Variants in SMG6 observed in about 807,000 individuals in gnomAD.
The protein encoded by SMG6 is telomerase-binding protein EST1A.
Under a neutral mutation model 142.2 loss-of-function variants are expected in SMG6, and 66 were observed. That is an observed-to-expected ratio of 0.46 (90% CI 0.38 to 0.57). The LOEUF (loss-of-function observed/expected upper bound fraction) is 0.57. Ranked by LOEUF, SMG6 falls within the 20% of genes least tolerant of loss-of-function variation. SMG6 has a pLI of 0.00. For missense variants in SMG6, 1,793 were observed against 1,832.0 expected, an observed-to-expected ratio of 0.98 and a Z score of 0.39; for synonymous variants, 779 against 702.4, an observed-to-expected ratio of 1.11 and a Z score of -1.72.
intron 6 of SMG6, among the ~76,000 whole-genome samples, chr17:2,290,337 A>C (rs1346720229): frequency 6.6e-6 from 1 of 152,230 alleles, no homozygotes; most frequent in Non-Finnish European, 1.5e-5. Flanking sequence ...TCTTTGACAA[A>C]GGAGCAAAGG....
Position 2,125,428 on chromosome 17 carries a change from C to T in SMG6, c.3358-39527G>A, listed in dbSNP as rs139521643. ...AGGATAATTCTCTTGGGCTTGCTGG[C>T]CAATAGGATGATGATTAGCTACAAT... On this transcript the variant is annotated intron_variant, in intron 13 of 18. Coordinates refer to ENST00000263073, the MANE Select transcript of SMG6 (RefSeq NM_017575.5). 3.3e-3 allele frequency among the ~76,000 whole-genome samples: 507 copies of T among 152,250 alleles called. 5 individuals are homozygous for T. The highest frequency in any genetic ancestry group is 0.012 in the African/African-American group (489 of 41,544).
Position 2,236,701 on chromosome 17 carries a change from T to A in SMG6, c.2724-64A>T, listed in dbSNP as rs201093657. On this transcript the variant is annotated intron_variant, in intron 9 of 18. Transcript: ENST00000263073. ...CTTTCAGTCTCTCTCTCACTCTGTCTCACACACACACACACACACACACAC... is the reference window on the plus strand; with the variant it reads ...CTTTCAGTCTCTCTCTCACTCTGTCACACACACACACACACACACACACAC... 3,006 of 958,388 alleles carry A rather than the reference T, an allele frequency of 3.1e-3. 30 individuals are homozygous for A. The highest frequency in any genetic ancestry group is 8.4e-3 in the Middle Eastern group (22 of 2,612). 59.4% of individuals were successfully genotyped at this position (958,388 alleles called of 1,614,324 possible).
Position 2,088,572 on chromosome 17 carries a change from G to A in SMG6, c.3358-2671C>T, listed in dbSNP as rs145099575. 1.2e-3 allele frequency: 1,137 copies of A among 985,466 alleles called. 6 individuals carry two copies. The African/African-American group carries it at 0.014, about 12-fold the overall frequency. The allele number at this position is 985,466 out of a possible 1,614,324, so 61.0% of individuals were successfully genotyped here. ...GATCTACTGGGGTCTCTGACCTGGTGTTAACAGGCCTGGAAAGGATTCTAC... is the reference window on the plus strand; with the variant it reads ...GATCTACTGGGGTCTCTGACCTGGTATTAACAGGCCTGGAAAGGATTCTAC... On this transcript the variant is annotated intron_variant, in intron 13 of 18. Coordinates refer to ENST00000263073, the MANE Select transcript of SMG6 (RefSeq NM_017575.5).
At chr17:2,078,378 A>G (rs1463040355) in intron 15 of SMG6, among the ~76,000 whole-genome samples, 1 of 151,346 alleles carries the variant, frequency 6.6e-6, no homozygotes, top group East Asian at 1.9e-4. Flanking sequence ...TTGTCACTGA[A>G]TACTTTTTTT....
At chr17:2,106,425 G>GA (rs1841799821) in intron 13 of SMG6, among the ~76,000 whole-genome samples, 1 of 152,128 alleles carries the variant, frequency 6.6e-6, no homozygotes, top group South Asian at 2.1e-4. Context: ...TGGGGGAAAA[G>GA]AGAGTCCTAT....
chr17:2,236,406 G>A (rs2073654349), intron 10 of SMG6, 86 bp downstream of exon 10: 2 of 1,385,990 alleles, frequency 1.4e-6, no homozygotes, highest in Non-Finnish European at 2.0e-6. Flanking sequence ...GGGGAGGTAG[G>A]TATGGTAGGT....
At chr17:2,244,762 C>T (rs1383515006) in intron 8 of SMG6, 43 bp from the exon 9 acceptor site, 3 of 1,547,182 alleles carry the variant, frequency 1.9e-6, no homozygotes, top group African/African-American at 2.7e-5. Flanking sequence ...TAAACTTTCC[C>T]CAGTTTCCTG....
At chr17:2,184,960 CAAAAAAAAAAAAAAAAA>C (rs58230459) in intron 12 of SMG6, among the ~76,000 whole-genome samples, 1 of 22,474 alleles carries the variant, frequency 4.4e-5, no homozygotes, top group Non-Finnish European at 6.9e-5. Flanking sequence ...GACTCCATCT[CAAAAAAAAAAAAAAAAA>C]AAAAAAAAAG....
intron 4 of SMG6, 48 bp downstream of exon 4, chr17:2,297,195 G>T: frequency 7.3e-7 from 1 of 1,366,374 alleles, no homozygotes; most frequent in Non-Finnish European, 1.0e-6. Context: ...CTAGATAAAC[G>T]CTTACGAAAT....
At chr17:2,181,103 TC>T (rs2151673412) in intron 12 of SMG6, among the ~76,000 whole-genome samples, 1 of 152,290 alleles carries the variant, frequency 6.6e-6, no homozygotes, top group Non-Finnish European at 1.5e-5. Flanking sequence ...AAGAAAAGCC[TC>T]TTCAATCTGT....
At chr17:2,123,123 GA>G (rs35401268) in intron 13 of SMG6, among the ~76,000 whole-genome samples, 108,187 of 152,146 alleles carry the variant, frequency 0.71, 39,008 homozygotes, top group African/African-American at 0.79. Context: ...AAGGTATGAG[GA>G]AACCCTGGCG....
intron 13 of SMG6, among the ~76,000 whole-genome samples, chr17:2,110,354 C>T (rs192906351): frequency 4.6e-5 from 7 of 151,990 alleles, no homozygotes; most frequent in African/African-American, 1.2e-4. Context: ...GGCCCTGTTG[C>T]GAGTTTCTGG....
At chr17:2,098,859 G>C (rs1250239949) in intron 13 of SMG6, among the ~76,000 whole-genome samples, 2 of 151,928 alleles carry the variant, frequency 1.3e-5, no homozygotes, top group African/African-American at 4.8e-5. Context: ...TCAAACTCCT[G>C]ACCTCAGGTG....
chr17:2,117,699 C>T (rs2069550173), intron 13 of SMG6: 1 of 152,128 alleles, frequency 6.6e-6, no homozygotes, highest in South Asian at 2.1e-4. Context: ...TCAATTTTCT[C>T]AAAACTGATA....
At chr17:2,296,740 T>C (rs1394637146) in intron 4 of SMG6, among the ~76,000 whole-genome samples, 1 of 152,092 alleles carries the variant, frequency 6.6e-6, no homozygotes, top group Non-Finnish European at 1.5e-5. Flanking sequence ...ATGCCTGCAA[T>C]CCCAGCACTT....
intron 12 of SMG6, among the ~76,000 whole-genome samples, chr17:2,185,322 G>C (rs937533555): frequency 1.3e-5 from 2 of 152,036 alleles, no homozygotes; most frequent in East Asian, 3.9e-4. Context: ...CAGACTTACA[G>C]ACACACAGAC....
chr17:2,079,483 A>C (rs2068350386), intron 15 of SMG6, among the ~76,000 whole-genome samples: 1 of 152,084 alleles, frequency 6.6e-6, no homozygotes, highest in African/African-American at 2.4e-5. Flanking sequence ...AAATACAAAA[A>C]AAATTAGCTG....
chr17:2,286,168 G>A (rs1282247888), intron 6 of SMG6, among the ~76,000 whole-genome samples: 1 of 152,022 alleles, frequency 6.6e-6, no homozygotes, highest in Non-Finnish European at 1.5e-5. Flanking sequence ...GAATTAGAAG[G>A]CTTAATATTT....
At chr17:2,219,015 G>C (rs1286008909) in intron 10 of SMG6, among the ~76,000 whole-genome samples, 5 of 152,184 alleles carry the variant, frequency 3.3e-5, no homozygotes, top group Admixed American at 6.5e-5. Context: ...TTTTTTAAAA[G>C]GACAGGTTTT....
Sources: allele counts gnomAD v4.1 joint callset (sites outside exome capture counted in the v4.1 genomes callset), GRCh38; gene constraint gnomAD v4.1.1; transcripts MANE v1.5; gene names NCBI Gene and HGNC (gene_info 2026-07-23, HGNC 2026-07-21).